Variants in PTPRN2 observed in about 807,000 individuals in gnomAD.
PTPRN2 encodes the protein protein tyrosine phosphatase receptor type N2, also known as receptor-type tyrosine-protein phosphatase N2.
PTPRN2 carries 74 observed loss-of-function variants against 118.8 expected under a neutral mutation model. That is an observed-to-expected ratio of 0.62 (90% CI 0.52 to 0.76). The LOEUF (loss-of-function observed/expected upper bound fraction) is 0.76. Ranked by LOEUF, PTPRN2 falls within the 30% of genes least tolerant of loss-of-function variation. The pLI, the probability that PTPRN2 is intolerant of heterozygous loss-of-function variation, is 0.00. For synonymous variants in PTPRN2, 641 were observed against 608.0 expected (o/e 1.05, Z -0.80); for missense variants, 1,481 against 1,394.4 (o/e 1.06, Z -0.99).
chr7:158,477,154 C>A (rs1733122), intron 2 of PTPRN2, among the ~76,000 whole-genome samples: 1 of 152,052 alleles, frequency 6.6e-6, no homozygotes. Flanking sequence ...TGGGTCTTCC[C>A]GTTGCCTCAG....
rs538746615 is a variant in PTPRN2, at chr7:158,259,099, C to T, written c.278-53826G>A. On this transcript the variant is annotated intron_variant, in intron 3 of 22. Transcript: ENST00000389418. ...GTGAGGACCCCTGATGCCTCTGCTG[C>T]CTGATGCTGCAAACGTCTCTTGAGT... Among the ~76,000 whole-genome samples the T allele has an allele frequency of 9.2e-5, 14 of 152,304 alleles. No individual in the cohort carries two copies. The South Asian group carries it at 2.9e-3, about 32-fold the overall frequency.
chr7:158,182,810 G>A (rs78723020), intron 5 of PTPRN2, among the ~76,000 whole-genome samples: 4 of 152,080 alleles, frequency 2.6e-5, no homozygotes, highest in Admixed American at 6.5e-5. Context: ...AGATCCATTT[G>A]TTCTAGAGTG....
At chr7:158,249,101 TCACA>T (rs550117180) in intron 3 of PTPRN2, among the ~76,000 whole-genome samples, 12 of 146,680 alleles carry the variant, frequency 8.2e-5, no homozygotes, top group Non-Finnish European at 1.2e-4. Context: ...TATGCACACA[TCACA>T]CACACACATG....
Position 157,719,023 on chromosome 7 carries a change from G to A in PTPRN2, c.1789-36086C>T, listed in dbSNP as rs536176511. Among the ~76,000 whole-genome samples, 3 of 152,250 alleles carry A rather than the reference G, an allele frequency of 2.0e-5. No individual in the cohort carries two copies. The East Asian group carries it at 5.8e-4, about 29-fold the overall frequency. ...CCTCTCCCTCCTGCAGGCGTCTCTG[G>A]CCCTGGGGGCTCCAGGAGGGGGTCT... On this transcript the variant is annotated intron_variant, in intron 12 of 22. Coordinates refer to ENST00000389418, the MANE Select transcript of PTPRN2 (RefSeq NM_002847.5).
chr7:158,174,376 CCCA>C (rs1462538703), intron 5 of PTPRN2, among the ~76,000 whole-genome samples: 3 of 151,728 alleles, frequency 2.0e-5, no homozygotes, highest in African/African-American at 2.4e-5. Flanking sequence ...CAGCAGCATC[CCCA>C]CCATCATCAT....
At chr7:158,324,403 C>G (rs926242098) in intron 2 of PTPRN2, among the ~76,000 whole-genome samples, 16 of 152,314 alleles carry the variant, frequency 1.1e-4, no homozygotes, top group African/African-American at 2.9e-4. Flanking sequence ...TTAAGACCAT[C>G]AGCTAGAAGC....
intron 12 of PTPRN2, among the ~76,000 whole-genome samples, chr7:157,736,856 G>C (rs560362509): frequency 6.6e-6 from 1 of 152,178 alleles, no homozygotes; most frequent in Non-Finnish European, 1.5e-5. Context: ...CCAGTGCCCG[G>C]CTGGACACAT....
At chr7:158,286,877 G>T (rs756104681) in intron 3 of PTPRN2, among the ~76,000 whole-genome samples, 3 of 152,178 alleles carry the variant, frequency 2.0e-5, no homozygotes, top group Non-Finnish European at 4.4e-5. Flanking sequence ...AATGAGTGTG[G>T]AAGTATTCCT....
At chr7:158,178,080 A>T (rs2150645903) in intron 5 of PTPRN2, among the ~76,000 whole-genome samples, 1 of 152,312 alleles carries the variant, frequency 6.6e-6, no homozygotes, top group South Asian at 2.1e-4. Context: ...ATAGGTTTGT[A>T]GTGGTATTTC....
At chr7:158,297,905 G>A (rs746178097) in intron 3 of PTPRN2, among the ~76,000 whole-genome samples, 1 of 152,156 alleles carries the variant, frequency 6.6e-6, no homozygotes. Context: ...GAAAATTTAA[G>A]GAATGCATGT....
At position 157,671,395 on chromosome 7, in the gene PTPRN2, G is replaced by A. The variant is rs1796402879; in HGVS notation, c.2001+11330C>T. ...CAGAGGCGGCAGAAGGGATAAAGGGGAGGTAGGGATGAATAGGGCCCTGGT... is the reference window on the plus strand; with the variant it reads ...CAGAGGCGGCAGAAGGGATAAAGGGAAGGTAGGGATGAATAGGGCCCTGGT... On this transcript the variant is annotated intron_variant, in intron 13 of 22. Coordinates refer to ENST00000389418, the MANE Select transcript of PTPRN2 (RefSeq NM_002847.5). This position sits in a 1 kb window ranked among gnomAD's most constrained non-coding sequence, Gnocchi z 4.1. Among the ~76,000 whole-genome samples the A allele has an allele frequency of 6.6e-6, 1 of 152,198 alleles. No individual in the cohort carries two copies. The highest frequency in any genetic ancestry group is 2.1e-4 in the South Asian group (1 of 4,826).
intron 2 of PTPRN2, among the ~76,000 whole-genome samples, chr7:158,476,810 C>T (rs1820300815): frequency 1.3e-5 from 2 of 152,246 alleles, no homozygotes; most frequent in Admixed American, 1.3e-4. Context: ...CTTCTCCTTC[C>T]TCCCAGCAAA....
At chr7:157,988,164 C>T (rs1207272534) in intron 11 of PTPRN2, among the ~76,000 whole-genome samples, 2 of 152,204 alleles carry the variant, frequency 1.3e-5, no homozygotes, top group Non-Finnish European at 2.9e-5. Flanking sequence ...TGTCCTGTGG[C>T]ACCATGGGAG....
chr7:158,520,032 C>T (rs1823868435), intron 1 of PTPRN2, among the ~76,000 whole-genome samples: 1 of 152,356 alleles, frequency 6.6e-6, no homozygotes, highest in South Asian at 2.1e-4. Flanking sequence ...TGAGCTTTTC[C>T]AGTGCAACAC....
chr7:158,198,158 T>G (rs746915970), intron 4 of PTPRN2, among the ~76,000 whole-genome samples: 1 of 152,188 alleles, frequency 6.6e-6, no homozygotes, highest in African/African-American at 2.4e-5. Flanking sequence ...TGGAACCACC[T>G]CATAAATGTA....
intron 10 of PTPRN2, among the ~76,000 whole-genome samples, chr7:158,098,046 C>T (rs548394740): frequency 6.6e-6 from 1 of 152,100 alleles, no homozygotes; most frequent in Non-Finnish European, 1.5e-5. Context: ...GTCCGTCCCT[C>T]GAGCCGGTGC....
chr7:158,550,243 G>A (rs543314641), intron 1 of PTPRN2, among the ~76,000 whole-genome samples: 3 of 152,328 alleles, frequency 2.0e-5, no homozygotes, highest in South Asian at 2.1e-4. Context: ...AGCCTGGGGC[G>A]CTCGCAGGAA....
chr7:158,286,752 C>A (rs1799796569), intron 3 of PTPRN2, among the ~76,000 whole-genome samples: 1 of 152,170 alleles, frequency 6.6e-6, no homozygotes, highest in Admixed American at 6.5e-5. Flanking sequence ...ATTCAGTCTG[C>A]TGGTATTCTT....
intron 11 of PTPRN2, among the ~76,000 whole-genome samples, chr7:157,933,624 C>T (rs555934363): frequency 6.7e-6 from 1 of 148,990 alleles, no homozygotes; most frequent in South Asian, 2.2e-4. Flanking sequence ...AGGGATGAGT[C>T]ACCCTGATTG....
Sources: allele counts gnomAD v4.1 joint callset (sites outside exome capture counted in the v4.1 genomes callset), GRCh38; gene constraint gnomAD v4.1.1; non-coding constraint Gnocchi (gnomAD v3.1); transcripts MANE v1.5; gene names NCBI Gene and HGNC (gene_info 2026-07-23, HGNC 2026-07-21).